AUTS2: variants seen among roughly 807,000 people sequenced by gnomAD.
AUTS2 encodes the protein autism susceptibility gene 2 protein.
Under a neutral mutation model 112.4 loss-of-function variants are expected in AUTS2, and 17 were observed. The observed-to-expected ratio is 0.15, with a 90% CI of 0.10 to 0.23. The LOEUF is 0.23. Ranked by LOEUF, AUTS2 falls within the 10% of genes least tolerant of loss-of-function variation. The pLI is 1.00. For missense variants in AUTS2, 1,510 were observed against 1,701.6 expected, an observed-to-expected ratio of 0.89 and a Z score of 1.98; for synonymous variants, 751 against 702.7, an observed-to-expected ratio of 1.07 and a Z score of -1.09.
chr7:69,734,963 T>A (rs1238389867), intron 1 of AUTS2, among the ~76,000 whole-genome samples: 12 of 152,224 alleles, frequency 7.9e-5, no homozygotes, highest in Non-Finnish European at 1.6e-4. Flanking sequence ...TCTGGAGATT[T>A]TAATTCAGTA....
At chr7:70,210,464 A>G (rs941853665) in intron 4 of AUTS2, among the ~76,000 whole-genome samples, 5 of 152,172 alleles carry the variant, frequency 3.3e-5, no homozygotes, top group African/African-American at 9.7e-5. Flanking sequence ...TATATTTTCT[A>G]TTTATAAATG....
At chr7:69,678,305 A>G (rs1157717033) in intron 1 of AUTS2, among the ~76,000 whole-genome samples, 1 of 152,148 alleles carries the variant, frequency 6.6e-6, no homozygotes, top group Non-Finnish European at 1.5e-5. Context: ...TGAGGCTGCA[A>G]AAACATTTCA....
At chr7:69,872,809 G>A (rs965681734) in intron 1 of AUTS2, among the ~76,000 whole-genome samples, 8 of 148,174 alleles carry the variant, frequency 5.4e-5, no homozygotes, top group Non-Finnish European at 1.2e-4. Context: ...TCACATTTGA[G>A]GTGGCACTTG....
intron 1 of AUTS2, among the ~76,000 whole-genome samples, chr7:69,814,503 G>A (rs1038993110): frequency 3.3e-5 from 5 of 152,230 alleles, no homozygotes; most frequent in Non-Finnish European, 7.3e-5. Flanking sequence ...GGCTCCTCCC[G>A]CTGTACCAGT....
chr7:70,181,119 T>C (rs777006402), intron 4 of AUTS2, among the ~76,000 whole-genome samples: 2 of 152,254 alleles, frequency 1.3e-5, no homozygotes, highest in Non-Finnish European at 2.9e-5. Context: ...GTGAGATTAA[T>C]TCAGGTTGCT....
rs75270701 is a variant in AUTS2 at position 70,630,988 on chromosome 7, G to C, written c.691-67581G>C. On this transcript the variant is annotated intron_variant, in intron 5 of 18. Transcript: ENST00000342771. ...TTAAAGGAAAATGGATTTTTTTTTT[G>C]AGCGTACTTTAATGAAGAAGATAAA... Among the ~76,000 whole-genome samples the C allele has an allele frequency of 7.9e-5, 12 of 151,010 alleles. No individual in the cohort carries two copies. The South Asian group carries it at 2.5e-3, about 32-fold the overall frequency.
intron 1 of AUTS2, among the ~76,000 whole-genome samples, chr7:69,623,264 C>T (rs1011614234): frequency 9.9e-5 from 15 of 151,880 alleles, no homozygotes; most frequent in Admixed American, 6.6e-5. Context: ...GTTCTGTCAC[C>T]CAGGCTGGAA....
chr7:69,915,541 A>G (rs1233541700), intron 2 of AUTS2, among the ~76,000 whole-genome samples: 2 of 152,166 alleles, frequency 1.3e-5, no homozygotes, highest in East Asian at 3.8e-4. Context: ...TTGCTTATGG[A>G]CACTGACCCA....
intron 4 of AUTS2, among the ~76,000 whole-genome samples, chr7:70,414,250 G>A (rs1056800488): frequency 3.3e-5 from 5 of 152,192 alleles, no homozygotes; most frequent in African/African-American, 1.2e-4. Context: ...GGCCCATCAT[G>A]TAGAGTAATG....
chr7:70,528,402 T>C (rs1289585005), intron 5 of AUTS2, among the ~76,000 whole-genome samples: 1 of 151,792 alleles, frequency 6.6e-6, no homozygotes, highest in Non-Finnish European at 1.5e-5. Flanking sequence ...ACTTCAGAGG[T>C]GGGGAGACAG....
intron 6 of AUTS2, among the ~76,000 whole-genome samples, chr7:70,760,923 C>T (rs910861762): frequency 5.9e-5 from 9 of 152,178 alleles, no homozygotes; most frequent in African/African-American, 1.9e-4. Flanking sequence ...GCTTTCTTCC[C>T]ATCTCGCTGG....
At chr7:70,595,986 C>G (rs1035301068) in intron 5 of AUTS2, 1 of 152,010 alleles carries the variant, frequency 6.6e-6, no homozygotes, top group African/African-American at 2.4e-5. Context: ...TGCCTGCGCG[C>G]TTTGCCGCCG....
intron 5 of AUTS2, among the ~76,000 whole-genome samples, chr7:70,640,918 C>T (rs1410344843): frequency 6.6e-6 from 1 of 152,168 alleles, no homozygotes; most frequent in African/African-American, 2.4e-5. Context: ...ATCTCCCAGC[C>T]TCCCGGGCTT....
At chr7:70,003,176 A>G (rs1365064221) in intron 2 of AUTS2, among the ~76,000 whole-genome samples, 2 of 123,672 alleles carry the variant, frequency 1.6e-5, no homozygotes, top group Non-Finnish European at 3.2e-5. Context: ...TATATATTAT[A>G]TGAATATATT....
At chr7:69,875,511 A>C (rs1310908362) in intron 1 of AUTS2, among the ~76,000 whole-genome samples, 1 of 152,218 alleles carries the variant, frequency 6.6e-6, no homozygotes, top group African/African-American at 2.4e-5. Flanking sequence ...CATGAGGCTC[A>C]TGGGACTTAA....
intron 5 of AUTS2, among the ~76,000 whole-genome samples, chr7:70,568,255 G>GC (rs1226350123): frequency 1.3e-5 from 2 of 152,186 alleles, no homozygotes; most frequent in African/African-American, 4.8e-5. Flanking sequence ...GAGCCAGCCT[G>GC]CCTGAATTTG....
At chr7:70,547,294 G>A (rs370313305) in intron 5 of AUTS2, among the ~76,000 whole-genome samples, 1 of 152,120 alleles carries the variant, frequency 6.6e-6, no homozygotes, top group Non-Finnish European at 1.5e-5. Flanking sequence ...TTGCTCAGTC[G>A]CCCAGGCTGG....
At chr7:70,127,583 C>T (rs1390259324) in intron 3 of AUTS2, among the ~76,000 whole-genome samples, 1 of 152,192 alleles carries the variant, frequency 6.6e-6, no homozygotes, top group Non-Finnish European at 1.5e-5. Flanking sequence ...TGACTCTTTT[C>T]ACCTTTCTCT....
chr7:69,619,218 C>T (rs1583951945), intron 1 of AUTS2, among the ~76,000 whole-genome samples: 1 of 152,102 alleles, frequency 6.6e-6, no homozygotes, highest in Non-Finnish European at 1.5e-5. Flanking sequence ...TCTTCAGCAC[C>T]TTATGAGGCA....
Sources: allele counts gnomAD v4.1 joint callset (sites outside exome capture counted in the v4.1 genomes callset), GRCh38; gene constraint gnomAD v4.1.1; transcripts MANE v1.5; gene names NCBI Gene and HGNC (gene_info 2026-07-23, HGNC 2026-07-21).